The following PARP8 variants were observed in gnomAD, a reference collection of about 807,000 sequenced individuals.
PARP8 encodes poly(ADP-ribose) polymerase family member 8.
PARP8 carries 51 observed loss-of-function variants against 124.1 expected under a neutral mutation model. The observed-to-expected ratio is 0.41, with a 90% CI of 0.33 to 0.52. The LOEUF is 0.52. Ranked by LOEUF, PARP8 falls within the 20% of genes least tolerant of loss-of-function variation. The pLI is 0.21. For synonymous variants in PARP8, 391 were observed against 361.5 expected (o/e 1.08, Z -0.93); for missense variants, 860 against 1,018.9 (o/e 0.84, Z 2.12).
chr5:50,819,427 CTTTTTTTTTTTTT>C (rs34347134), intron 15 of PARP8, among the ~76,000 whole-genome samples: 5 of 46,652 alleles, frequency 1.1e-4, no homozygotes, highest in African/African-American at 1.9e-4. Context: ...ATTTTATCTT[CTTTTTTTTTTTTT>C]TTTTTTTTTT....
chr5:50,667,755 T>A, intron 1 of PARP8: 2 of 723,436 alleles, frequency 2.8e-6, no homozygotes, highest in Non-Finnish European at 4.9e-6. Context: ...TCGCCTTTCG[T>A]CCATTTTGCT....
intron 15 of PARP8, among the ~76,000 whole-genome samples, chr5:50,820,202 G>A (rs1189339924): frequency 6.6e-6 from 1 of 152,156 alleles, no homozygotes; most frequent in Non-Finnish European, 1.5e-5. Flanking sequence ...GCTGTCATTA[G>A]GTCACAATAC....
intron 7 of PARP8, among the ~76,000 whole-genome samples, chr5:50,775,950 G>C (rs1161240622): frequency 1.3e-5 from 2 of 152,126 alleles, no homozygotes; most frequent in African/African-American, 4.8e-5. Context: ...GAGTGGTGAA[G>C]GTGGGCATCC....
chr5:50,828,495 C>T, intron 21 of PARP8, 111 bp downstream of exon 21: 1 of 918,902 alleles, frequency 1.1e-6, no homozygotes, highest in Admixed American at 2.2e-5. Flanking sequence ...GTGAGTAAGA[C>T]ATTATATGGA....
chr5:50,785,080 A>C (rs893886582), intron 9 of PARP8, among the ~76,000 whole-genome samples: 9 of 151,894 alleles, frequency 5.9e-5, no homozygotes, highest in African/African-American at 2.2e-4. Context: ...TTAGAACTTG[A>C]ATTTTGGAAT....
rs537755704 is a variant in PARP8 at position 50,826,700 on chromosome 5, G to T, written c.1929-55G>T. The T allele has an allele frequency of 1.2e-5, 18 of 1,516,832 alleles. No individual in the cohort carries two copies. In the African/African-American group the frequency reaches 2.0e-4, roughly 17 times the overall value. 94.0% of individuals were successfully genotyped at this position (1,516,832 alleles called of 1,614,324 possible). On this transcript the variant is annotated intron_variant, in intron 18 of 25. Coordinates refer to ENST00000281631, the MANE Select transcript of PARP8 (RefSeq NM_024615.4). ...TTAATCGGTTGCCAACTAAGAAAAAGAACTTTAAATATATTTGGCATGTAT... is the reference window on the plus strand; with the variant it reads ...TTAATCGGTTGCCAACTAAGAAAAATAACTTTAAATATATTTGGCATGTAT...
chr5:50,728,098 A>C (rs111893600), intron 2 of PARP8, among the ~76,000 whole-genome samples: 2 of 152,164 alleles, frequency 1.3e-5, no homozygotes, highest in Non-Finnish European at 2.9e-5. Flanking sequence ...AATTCTTGCC[A>C]GTGCCGAGAC....
chr5:50,828,510 C>T (rs1024436584), intron 21 of PARP8, 126 bp downstream of exon 21: 6 of 783,920 alleles, frequency 7.7e-6, no homozygotes, highest in East Asian at 2.5e-5. Context: ...TATGGAATTT[C>T]TAGTAGGCAT....
At position 50,750,154 on chromosome 5, in the gene PARP8, A is replaced by G. The variant is rs1245157859; in HGVS notation, c.150A>G (p.Val50=). 2.5e-6 allele frequency: 4 copies of G among 1,588,312 alleles called. No homozygotes were observed. The highest frequency in any genetic ancestry group is 2.2e-5 in the South Asian group (2 of 90,576). ...TFTYVGGPRS[V]SYSVHVSEDY... Reference sequence around the variant, plus strand: ...TTTTGTTTGTTTGTTTTAACAGTGTATCCTACTCAGTACATGTATCTGAAG... The same window carrying G: ...TTTTGTTTGTTTGTTTTAACAGTGTGTCCTACTCAGTACATGTATCTGAAG... Residue 50 remains valine (V), a synonymous_variant, in exon 3 of 26, where the codon GTA becomes GTG. Transcript: ENST00000281631.
In PARP8 at chr5:50,748,440, A is replaced by G. The variant is rs1475118012; in HGVS notation, c.147-1711A>G. Among the ~76,000 whole-genome samples the G allele has an allele frequency of 3.3e-5, 5 of 152,184 alleles. No individual in the cohort carries two copies. In the South Asian group the frequency reaches 6.2e-4, roughly 19 times the overall value. On this transcript the variant is annotated intron_variant, in intron 2 of 25. Transcript: ENST00000281631. ...AATGTATTTTTAAAGCATTAAAAAAATAGTGTTTTATATTTACAGTTTTCG... is the reference window on the plus strand; with the variant it reads ...AATGTATTTTTAAAGCATTAAAAAAGTAGTGTTTTATATTTACAGTTTTCG...
intron 2 of PARP8, among the ~76,000 whole-genome samples, chr5:50,683,297 A>G (rs1368996163): frequency 1.3e-5 from 2 of 152,192 alleles, no homozygotes; most frequent in Non-Finnish European, 2.9e-5. Context: ...GCTATTTGAC[A>G]AGGACATTGA....
chr5:50,779,291 A>G (rs1257159712), intron 9 of PARP8, among the ~76,000 whole-genome samples: 1 of 152,110 alleles, frequency 6.6e-6, no homozygotes, highest in Non-Finnish European at 1.5e-5. Flanking sequence ...TTAAAAAAAA[A>G]TCCTAAAACT....
At chr5:50,725,780 T>G (rs1328223231) in intron 2 of PARP8, among the ~76,000 whole-genome samples, 2 of 152,200 alleles carry the variant, frequency 1.3e-5, no homozygotes, top group African/African-American at 4.8e-5. Context: ...TGCTGGATCT[T>G]AAGATAGTCT....
chr5:50,676,885 A>G (rs1750699859), intron 2 of PARP8, among the ~76,000 whole-genome samples: 2 of 152,174 alleles, frequency 1.3e-5, no homozygotes, highest in South Asian at 2.1e-4. Context: ...GCTTTAGGGA[A>G]CCACATGCCA....
At chr5:50,807,431 A>T (rs1561409867) in intron 14 of PARP8, among the ~76,000 whole-genome samples, 1 of 152,096 alleles carries the variant, frequency 6.6e-6, no homozygotes, top group Non-Finnish European at 1.5e-5. Flanking sequence ...TTATACTCTC[A>T]TCACAAAACC....
intron 7 of PARP8, among the ~76,000 whole-genome samples, chr5:50,766,717 C>T (rs910061684): frequency 1.8e-4 from 27 of 152,034 alleles, no homozygotes; most frequent in African/African-American, 6.3e-4. Flanking sequence ...GTGACTATTT[C>T]GATCACTTTT....
At chr5:50,749,121 T>G (rs1580193199) in intron 2 of PARP8, among the ~76,000 whole-genome samples, 3 of 152,326 alleles carry the variant, frequency 2.0e-5, no homozygotes, top group Middle Eastern at 6.8e-3. Context: ...TCTTTTCTCT[T>G]GAAAATAGGT....
chr5:50,831,378 C>T (rs1270581456), intron 22 of PARP8, among the ~76,000 whole-genome samples: 2 of 152,050 alleles, frequency 1.3e-5, no homozygotes, highest in South Asian at 2.1e-4. Flanking sequence ...GGATGGGCTG[C>T]GCTGGCAGGC....
At position 50,795,186 on chromosome 5, in the gene PARP8, A is replaced by G; in HGVS notation, c.1197A>G (p.Thr399=). 1 of 1,614,206 alleles carries G rather than the reference A, an allele frequency of 6.2e-7. No homozygotes were observed. Among genetic ancestry groups the G allele is most frequent in the Non-Finnish European group, 8.5e-7 (1 of 1,180,026 alleles). ...GAGATCCACGATGTGAGCACAACAC[A>G]AACTTGAAGCCCCATAAACTGTTAA... ...CSGDPRCEHN[T]NLKPHKLLSR... The change falls in exon 12 of 26, where the codon ACA becomes ACG. Residue 399 remains threonine, a synonymous_variant. Transcript: ENST00000281631.
Sources: allele counts gnomAD v4.1 joint callset (sites outside exome capture counted in the v4.1 genomes callset), GRCh38; gene constraint gnomAD v4.1.1; transcripts MANE v1.5; gene names NCBI Gene and HGNC (gene_info 2026-07-23, HGNC 2026-07-21).